CPM: variants seen among roughly 807,000 people sequenced by gnomAD.
CPM encodes renal carboxypeptidase.
CPM carries 35 observed loss-of-function variants against 46.4 expected under a neutral mutation model. That is an observed-to-expected ratio of 0.75 (90% confidence interval 0.58 to 1.00). CPM has a LOEUF of 1.00. CPM is among the 50% of genes least tolerant of loss of function. The pLI is 0.00. For synonymous variants in CPM, 195 were observed against 195.3 expected (o/e 1.00, Z 0.01); for missense variants, 422 against 530.4 (o/e 0.80, Z 2.01).
At chr12:68,953,928 A>G (rs1888974143) in intron 1 of CPM, among the ~76,000 whole-genome samples, 1 of 152,230 alleles carries the variant, frequency 6.6e-6, no homozygotes, top group Non-Finnish European at 1.5e-5. Context: ...CTGTGTGTTT[A>G]TGGTGGCTTT....
upstream of CPM, among the ~76,000 whole-genome samples, chr12:68,937,076 T>C (rs1255792404): frequency 2.0e-5 from 3 of 152,200 alleles, no homozygotes; most frequent in Non-Finnish European, 4.4e-5. Flanking sequence ...GGAAATGACA[T>C]TTATGCTGTT....
Position 68,856,206 on chromosome 12 carries a change from G to T in CPM, c.*231C>A. 1 of 494,782 alleles carries T rather than the reference G, an allele frequency of 2.0e-6. No individual in the cohort carries two copies. The highest frequency in any genetic ancestry group is 3.5e-6 in the Non-Finnish European group (1 of 281,726). The allele number at this position is 494,782 out of a possible 1,614,324, so 30.6% of individuals were successfully genotyped here. ...TCAAGATTAATTTGAGTGTAAATGA[G>T]CAGTACTTGTTAGGTAAGTGTCTTC... On this transcript the variant is annotated 3_prime_UTR_variant, in exon 9 of 9. Coordinates refer to ENST00000551568, the MANE Select transcript of CPM (RefSeq NM_198320.5).
Position 68,890,014 on chromosome 12 carries a change from A to C in CPM, c.161-4125T>G, listed in dbSNP as rs187972729. On this transcript the variant is annotated intron_variant, in intron 2 of 8. Transcript: ENST00000551568. ...CCTCACTTGGGGCTGATGCCATTTT[A>C]GGCTTCAGCCTGCCTGTACCCAGGT... Among the ~76,000 whole-genome samples, 8 of 152,282 alleles carry C rather than the reference A, an allele frequency of 5.3e-5. No homozygotes were observed. The East Asian group carries it at 1.4e-3, about 26-fold the overall frequency.
At chr12:68,928,277 T>C (rs1020976188) in intron 2 of CPM, among the ~76,000 whole-genome samples, 4 of 152,202 alleles carry the variant, frequency 2.6e-5, no homozygotes, top group Admixed American at 6.5e-5. Flanking sequence ...GGGAAAGGAT[T>C]CCCTATTCAA....
chr12:68,870,186 A>C (rs1471818758), intron 5 of CPM, 29 bp downstream of exon 5: 1 of 1,596,896 alleles, frequency 6.3e-7, no homozygotes, highest in African/African-American at 1.3e-5. Flanking sequence ...TGGACTTAAG[A>C]AGCCAGAACT....
rs149423614 is a variant in CPM at position 68,884,071 on chromosome 12, T to C, written c.258+1721A>G. Among the ~76,000 whole-genome samples the C allele has an allele frequency of 2.2e-3, 304 of 138,286 alleles. 2 individuals carry two copies. Among genetic ancestry groups the C allele is most frequent in the African/African-American group, 7.6e-3 (280 of 36,710 alleles). The allele number at this position is 138,286 out of a possible 152,430, so 90.7% of individuals were successfully genotyped here. On this transcript the variant is annotated intron_variant, in intron 3 of 8. Transcript: ENST00000551568. ...GTTGCAGTGAGCCGAGATCATGCCA[T>C]TGCACTCCAGCCTGGGAGACAAGAG... is the stretch of plus-strand genomic sequence containing the variant.
chr12:68,937,679 CAAAA>C (rs200334264), upstream of CPM, among the ~76,000 whole-genome samples: 1 of 150,916 alleles, frequency 6.6e-6, no homozygotes, highest in Non-Finnish European at 1.5e-5. Flanking sequence ...ATAAAGCAAA[CAAAA>C]AAAAACTATT....
At chr12:68,871,493 T>G (rs1885692790) in intron 4 of CPM, among the ~76,000 whole-genome samples, 1 of 152,012 alleles carries the variant, frequency 6.6e-6, no homozygotes, top group African/African-American at 2.4e-5. Flanking sequence ...AGAAAGCACC[T>G]GGTACTTCCA....
chr12:68,903,886 CTT>C lies in CPM; in HGVS notation c.161-17999_161-17998del, dbSNP rs564107365. 1.4e-4 allele frequency among the ~76,000 whole-genome samples: 21 copies of C among 147,738 alleles called. No homozygotes were observed. In the East Asian group the frequency reaches 4.3e-3, roughly 30 times the overall value. On this transcript the variant is annotated intron_variant, in intron 2 of 8. Coordinates refer to ENST00000551568, the MANE Select transcript of CPM (RefSeq NM_198320.5). ...CCTCCCTCCCTTTCTCTCATTCTTT[CTT>C]TCTTTCTTTCTTTCTTTTGACTGGG...
At chr12:68,918,287 T>C (rs888789450) in intron 2 of CPM, among the ~76,000 whole-genome samples, 1 of 152,188 alleles carries the variant, frequency 6.6e-6, no homozygotes, top group South Asian at 2.1e-4. Context: ...ATCTCTACTC[T>C]CTTGCTAGAT....
intron 2 of CPM, among the ~76,000 whole-genome samples, chr12:68,891,445 A>G (rs1209403325): frequency 1.3e-5 from 2 of 152,252 alleles, no homozygotes; most frequent in Admixed American, 6.5e-5. Flanking sequence ...AAGTTTCCAG[A>G]CTAGCTATGC....
At chr12:68,885,576 G>A (rs958525179) in intron 3 of CPM, among the ~76,000 whole-genome samples, 1 of 152,200 alleles carries the variant, frequency 6.6e-6, no homozygotes, top group Non-Finnish European at 1.5e-5. Flanking sequence ...CTCTGACAGG[G>A]TGCTGGGTAC....
Position 68,871,875 on chromosome 12 carries a change from T to G in CPM, c.340A>C (p.Ile114Leu). 6.2e-7 allele frequency: 1 copy of G among 1,614,124 alleles called. No individual in the cohort carries two copies. The highest frequency in any genetic ancestry group is 8.5e-7 in the Non-Finnish European group (1 of 1,180,008). The stretch of plus-strand genomic sequence containing the variant: ...ATGATGTGTATCCGGGTACTATTGA[T>G]CAGATTTGTGATTTCAGGGTCTTTG... ...DGKDPEITNL[I>L]NSTRIHIMPS... The change falls in exon 4 of 9, where the codon ATC (isoleucine) becomes CTC (leucine). Residue 114 changes from isoleucine to leucine, a missense_variant. Physicochemically the swap from Ile to Leu is conservative, Grantham distance 5. Coordinates refer to ENST00000551568, the MANE Select transcript of CPM (RefSeq NM_198320.5).
In CPM at chr12:68,913,070, C is replaced by G. The variant is rs145613147; in HGVS notation, c.160+19608G>C. Among the ~76,000 whole-genome samples the G allele has an allele frequency of 7.9e-5, 12 of 152,224 alleles. 1 individual carries two copies. In the East Asian group the frequency reaches 2.3e-3, roughly 29 times the overall value. ...CCCTACACGGCACCATCATCTCCTC[C>G]CGGATGTTAAGGATGCTGGGTAGAT... On this transcript the variant is annotated intron_variant, in intron 2 of 8. Transcript: ENST00000551568.
In CPM at chr12:68,856,626, T is replaced by C. The variant is rs1645825384; in HGVS notation, c.1143A>G (p.Lys381=). ...PHITKVIIPE[K]SQNFSALKKD... ...TTTTAAGAGCACTGAAGTTCTGGGA[T>C]TTCTCCGGAATAATCACCTTTGTGA... The change falls in exon 9 of 9, where the codon AAA becomes AAG. Residue 381 remains lysine, a synonymous_variant. Transcript: ENST00000551568. The C allele has an allele frequency of 6.2e-7, 1 of 1,614,218 alleles. No homozygotes were observed. Among genetic ancestry groups the C allele is most frequent in the South Asian group, 1.1e-5 (1 of 91,088 alleles).
At chr12:68,881,674 GT>G (rs1440492157) in intron 3 of CPM, among the ~76,000 whole-genome samples, 2 of 151,094 alleles carry the variant, frequency 1.3e-5, no homozygotes, top group African/African-American at 2.4e-5. Context: ...ATAATGTTTT[GT>G]TTATACTTTT....
intron 2 of CPM, among the ~76,000 whole-genome samples, chr12:68,917,743 T>G (rs1284352469): frequency 2.0e-5 from 3 of 152,232 alleles, no homozygotes; most frequent in Non-Finnish European, 4.4e-5. Context: ...AGATTCCTGA[T>G]GCATCCTAGT....
chr12:68,948,922 T>TA (rs1295592756), intron 1 of CPM, among the ~76,000 whole-genome samples: 1 of 152,070 alleles, frequency 6.6e-6, no homozygotes, highest in African/African-American at 2.4e-5. Flanking sequence ...GGAGTGGAGG[T>TA]AAAAGTACTC....
upstream of CPM, among the ~76,000 whole-genome samples, chr12:68,934,993 A>G (rs1350390959): frequency 2.0e-5 from 3 of 151,590 alleles, no homozygotes; most frequent in African/African-American, 4.8e-5. Context: ...GCTCACTGCA[A>G]CCTCCTCTCA....
Sources: allele counts gnomAD v4.1 joint callset (sites outside exome capture counted in the v4.1 genomes callset), GRCh38; gene constraint gnomAD v4.1.1; transcripts MANE v1.5; gene names NCBI Gene and HGNC (gene_info 2026-07-23, HGNC 2026-07-21).